TNFAIP8L2: variants seen among roughly 807,000 people sequenced by gnomAD.
The protein encoded by TNFAIP8L2 is TNF alpha induced protein 8 like 2.
TNFAIP8L2 carries 2 observed loss-of-function variants against 5.6 expected under a neutral mutation model. The ratio of observed to expected loss-of-function variants is 0.36; its 90% confidence interval spans 0.15 to 1.13. The LOEUF (loss-of-function observed/expected upper bound fraction) is 1.13. Ranked by LOEUF, TNFAIP8L2 falls within the 50% of genes most tolerant of loss-of-function variation. The probability of loss-of-function intolerance (pLI) is 0.40; values close to 1 mark genes in which losing one functional copy is unlikely to be tolerated. For synonymous variants in TNFAIP8L2, 91 were observed against 101.1 expected (o/e 0.90, Z 0.60); for missense variants, 216 against 241.8 (o/e 0.89, Z 0.71).
intron 1 of TNFAIP8L2, 133 bp from the exon 2 acceptor site, chr1:151,158,533 T>C (rs1572062728): frequency 4.7e-6 from 3 of 641,922 alleles, no homozygotes; most frequent in Non-Finnish European, 8.1e-6. Context: ...GAGCAAGGCA[T>C]AGAGGACTGA....
At chr1:151,157,129 G>T (rs955113492) in intron 1 of TNFAIP8L2, among the ~76,000 whole-genome samples, 1 of 152,168 alleles carries the variant, frequency 6.6e-6, no homozygotes, top group African/African-American at 2.4e-5. Flanking sequence ...GGCAATGGGG[G>T]CAATGGAGAG....
Position 151,159,048 on chromosome 1 carries a change from T to C in TNFAIP8L2, c.351T>C (p.Ala117=). 1 of 1,614,224 alleles carries C rather than the reference T, an allele frequency of 6.2e-7. No individual in the cohort carries two copies. Among genetic ancestry groups the C allele is most frequent in the Non-Finnish European group, 8.5e-7 (1 of 1,180,050 alleles). Residue 117 remains alanine, a synonymous_variant, in exon 2 of 2, where the codon GCT becomes GCC. Transcript: ENST00000368910. The part of the protein sequence containing the change: ...VDFTFEAAVL[A]GLLTECRDVL... ...TCACCTTCGAGGCTGCTGTTCTGGC[T>C]GGCCTGCTGACCGAGTGCCGGGATG...
Position 151,159,179 on chromosome 1 carries a change from G to A in TNFAIP8L2, c.482G>A (p.Gly161Glu). The change falls in exon 2 of 2, where the codon GGG becomes GAG. Residue 161 changes from glycine (G) to glutamate (E), a missense_variant. Gly to Glu is a moderately conservative substitution (Grantham distance 98). Coordinates refer to ENST00000368910, the MANE Select transcript of TNFAIP8L2 (RefSeq NM_024575.5). ...CCAGGTCTGCTCACGGCCCTCTATG[G>A]GCCTGACTTCACTCAGCACCTTGGC... The part of the protein sequence containing the change: ...SDPGLLTALY[G>E]PDFTQHLGKI... The A allele has an allele frequency of 4.3e-6, 7 of 1,614,172 alleles. No individual in the cohort carries two copies. The highest frequency in any genetic ancestry group is 5.9e-6 in the Non-Finnish European group (7 of 1,180,032).
At position 151,159,068 on chromosome 1, in the gene TNFAIP8L2, G is replaced by C; in HGVS notation, c.371G>C (p.Arg124Pro). 6.2e-7 allele frequency: 1 copy of C among 1,614,088 alleles called. No individual in the cohort carries two copies. The highest frequency in any genetic ancestry group is 8.5e-7 in the Non-Finnish European group (1 of 1,180,032). ...CTGGCTGGCCTGCTGACCGAGTGCC[G>C]GGATGTGCTGCTAGAGTTGGTGGAA... is the stretch of plus-strand genomic sequence containing the variant. Reference protein sequence around the residue: ...AVLAGLLTECRDVLLELVEHH... With the variant: ...AVLAGLLTECPDVLLELVEHH... Residue 124 changes from arginine (R) to proline (P), a missense_variant, in exon 2 of 2, where the codon CGG (arginine) becomes CCG (proline). Arg to Pro is a moderately radical substitution (Grantham distance 103). Coordinates refer to ENST00000368910, the MANE Select transcript of TNFAIP8L2 (RefSeq NM_024575.5).
In TNFAIP8L2 at chr1:151,159,256, C is replaced by G. The variant is rs191361625; in HGVS notation, c.*4C>G. The G allele has an allele frequency of 1.2e-6, 2 of 1,608,736 alleles. No individual in the cohort carries two copies. Among genetic ancestry groups the G allele is most frequent in the African/African-American group, 2.7e-5 (2 of 74,922 alleles). ...GCTAGACGAAGGGAAGCTCTGAGAG[C>G]CCTGAGCCTAGCACATTCCACCTTG... is the stretch of plus-strand genomic sequence containing the variant. On this transcript the variant is annotated 3_prime_UTR_variant, in exon 2 of 2. Transcript: ENST00000368910.
rs1367507585 is a variant in TNFAIP8L2 at position 151,158,765 on chromosome 1, G to A, written c.68G>A (p.Gly23Asp). 1 of 1,613,784 alleles carries A rather than the reference G, an allele frequency of 6.2e-7. No individual in the cohort carries two copies. The highest frequency in any genetic ancestry group is 1.1e-5 in the South Asian group (1 of 91,062). ...AAGAAGCTACTGAGTAAGATGGCGG[G>A]TCGCTCTGTGGCTCATCTCTTCATA... ...AEKKLLSKMAGRSVAHLFIDE... is the reference protein window; with the variant it reads ...AEKKLLSKMADRSVAHLFIDE... The change falls in exon 2 of 2, where the codon GGT becomes GAT. Residue 23 changes from glycine to aspartate, a missense_variant. Transcript: ENST00000368910.
At chr1:151,158,639 T>G in intron 1 of TNFAIP8L2, 27 bp from the exon 2 acceptor site, 4 of 1,408,618 alleles carry the variant, frequency 2.8e-6, no homozygotes, top group Non-Finnish European at 3.9e-6. Context: ...TCTCTCTTTC[T>G]AAGGAAGCCT....
At chr1:151,158,558 C>T (rs1262218765) in intron 1 of TNFAIP8L2, 108 bp from the exon 2 acceptor site, 5 of 852,782 alleles carry the variant, frequency 5.9e-6, no homozygotes, top group African/African-American at 3.4e-5. Flanking sequence ...CCCCAGGGGG[C>T]GGAGAGGATG....
In TNFAIP8L2 at chr1:151,158,897, C is replaced by T; in HGVS notation, c.200C>T (p.Ala67Val). 6.2e-7 allele frequency: 1 copy of T among 1,614,204 alleles called. No homozygotes were observed. The highest frequency in any genetic ancestry group is 2.2e-5 in the East Asian group (1 of 44,874). The part of the protein sequence containing the change: ...QRVIKDLIKV[A>V]IKVAVLHRNG... Reference sequence around the variant, plus strand: ...GTGATCAAGGACCTGATCAAAGTGGCCATCAAGGTGGCTGTGCTGCACCGC... The same window carrying T: ...GTGATCAAGGACCTGATCAAAGTGGTCATCAAGGTGGCTGTGCTGCACCGC... The change falls in exon 2 of 2, where the codon GCC becomes GTC. Residue 67 changes from alanine to valine, a missense_variant. Ala to Val is a moderately conservative substitution (Grantham distance 64). Transcript: ENST00000368910.
At chr1:151,158,310 A>C (rs936169944) in intron 1 of TNFAIP8L2, among the ~76,000 whole-genome samples, 1 of 150,880 alleles carries the variant, frequency 6.6e-6, no homozygotes, top group Non-Finnish European at 1.5e-5. Flanking sequence ...GTGACAAAGC[A>C]AGACTCCGTC....
At position 151,158,954 on chromosome 1, in the gene TNFAIP8L2, T is replaced by C. The variant is rs1558199047; in HGVS notation, c.257T>C (p.Leu86Pro). Residue 86 changes from leucine to proline, a missense_variant, in exon 2 of 2, where the codon CTG becomes CCG. Physicochemically the swap from Leu to Pro is moderately conservative, Grantham distance 98 (BLOSUM62 -3). Coordinates refer to ENST00000368910, the MANE Select transcript of TNFAIP8L2 (RefSeq NM_024575.5). ...TCCTTTGGCCCCAGTGAGCTGGCCC[T>C]GGCTACCCGCTTTCGCCAGAAGCTG... Reference protein sequence around the residue: ...NGSFGPSELALATRFRQKLRQ... With the variant: ...NGSFGPSELAPATRFRQKLRQ... 2 of 1,614,272 alleles carry C rather than the reference T, an allele frequency of 1.2e-6. No individual in the cohort carries two copies. Among genetic ancestry groups the C allele is most frequent in the Middle Eastern group, 1.6e-4 (1 of 6,062 alleles).
Position 151,158,720 on chromosome 1 carries a change from G to A in TNFAIP8L2, c.23G>A (p.Ser8Asn). ...CCCATGGAGTCCTTCAGCTCAAAGA[G>A]CCTGGCACTGCAAGCAGAGAAGAAG... Reference protein sequence around the residue: MESFSSKSLALQAEKKLL... With the variant: MESFSSKNLALQAEKKLL... The change falls in exon 2 of 2, where the codon AGC becomes AAC. Residue 8 changes from serine to asparagine, a missense_variant. Ser to Asn is a conservative substitution (Grantham distance 46). Transcript: ENST00000368910. 1 of 1,608,156 alleles carries A rather than the reference G, an allele frequency of 6.2e-7. No individual in the cohort carries two copies. Among genetic ancestry groups the A allele is most frequent in the Non-Finnish European group, 8.5e-7 (1 of 1,176,360 alleles).
In TNFAIP8L2 at chr1:151,158,322, C is replaced by CA. The variant is rs587732030; in HGVS notation, c.-32-327dup. Among the ~76,000 whole-genome samples, 614 of 83,716 alleles carry CA rather than the reference C, an allele frequency of 7.3e-3. 1 individual carries two copies. Among genetic ancestry groups the CA allele is most frequent in the Middle Eastern group, 0.048 (6 of 124 alleles). The allele number at this position is 83,716 out of a possible 152,430, so 54.9% of individuals were successfully genotyped here. The stretch of plus-strand genomic sequence containing the variant: ...TGGGTGACAAAGCAAGACTCCGTCT[C>CA]AAAAAAAAAAAAAAAAAGAATTATC... On this transcript the variant is annotated intron_variant, in intron 1 of 1. Coordinates refer to ENST00000368910, the MANE Select transcript of TNFAIP8L2 (RefSeq NM_024575.5).
At position 151,158,848 on chromosome 1, in the gene TNFAIP8L2, C is replaced by T; in HGVS notation, c.151C>T (p.His51Tyr). 6.2e-7 allele frequency: 1 copy of T among 1,614,188 alleles called. No individual in the cohort carries two copies. The highest frequency in any genetic ancestry group is 8.5e-7 in the Non-Finnish European group (1 of 1,180,038). ...ELYRVSKEYTHSRPQAQRVIK... is the reference protein window; with the variant it reads ...ELYRVSKEYTYSRPQAQRVIK... ...CTACCGTGTGTCCAAGGAGTACACGCACAGCCGGCCCCAGGCCCAGCGCGT... is the reference window on the plus strand; with the variant it reads ...CTACCGTGTGTCCAAGGAGTACACGTACAGCCGGCCCCAGGCCCAGCGCGT... The change falls in exon 2 of 2, where the codon CAC becomes TAC. Residue 51 changes from histidine (H) to tyrosine (Y), a missense_variant. His to Tyr is a moderately conservative substitution (Grantham distance 83). Transcript: ENST00000368910.
In TNFAIP8L2 at chr1:151,159,452, C is replaced by G. The variant is rs1683357413; in HGVS notation, c.*200C>G. The G allele has an allele frequency of 3.5e-6, 2 of 574,346 alleles. No homozygotes were observed. Among genetic ancestry groups the G allele is most frequent in the Non-Finnish European group, 6.3e-6 (2 of 315,884 alleles). The allele number at this position is 574,346 out of a possible 1,614,324, so 35.6% of individuals were successfully genotyped here. ...AAGGAGCAATGCTGAGGGGTGAGGC[C>G]TCTCTCCCACTCCAGCCCCAGGACA... On this transcript the variant is annotated 3_prime_UTR_variant, in exon 2 of 2. Transcript: ENST00000368910.
At position 151,159,526 on chromosome 1, in the gene TNFAIP8L2, T is replaced by C; in HGVS notation, c.*274T>C. On this transcript the variant is annotated 3_prime_UTR_variant, in exon 2 of 2. Coordinates refer to ENST00000368910, the MANE Select transcript of TNFAIP8L2 (RefSeq NM_024575.5). ...GTGAAGTGAAACTTGGATCTCTATT[T>C]CTCCCATAAGGGACTTCTGAAACAG... 2.6e-6 allele frequency: 1 copy of C among 388,770 alleles called. No homozygotes were observed. Among genetic ancestry groups the C allele is most frequent in the South Asian group, 2.9e-5 (1 of 34,144 alleles). 24.1% of individuals were successfully genotyped at this position (388,770 alleles called of 1,614,324 possible). A position where few individuals can be genotyped will look rare whatever the true frequency, so the allele number is the denominator to read the frequency against.
intron 1 of TNFAIP8L2, among the ~76,000 whole-genome samples, chr1:151,157,305 C>A (rs1313046200): frequency 1.3e-5 from 2 of 152,248 alleles, no homozygotes; most frequent in Admixed American, 1.3e-4. Flanking sequence ...ACAGTCTCCA[C>A]CTCCTCTGCC....
chr1:151,157,911 T>C (rs1683278421), intron 1 of TNFAIP8L2, among the ~76,000 whole-genome samples: 1 of 152,226 alleles, frequency 6.6e-6, no homozygotes, highest in Non-Finnish European at 1.5e-5. Flanking sequence ...ATGAGTTGCG[T>C]TTGATCTTGG....
chr1:151,158,966 T>G lies in TNFAIP8L2; in HGVS notation c.269T>G (p.Phe90Cys). 6.2e-7 allele frequency: 1 copy of G among 1,614,274 alleles called. No homozygotes were observed. The highest frequency in any genetic ancestry group is 8.5e-7 in the Non-Finnish European group (1 of 1,180,052). ...GPSELALATR[F>C]RQKLRQGAMT... ...AGTGAGCTGGCCCTGGCTACCCGCT[T>G]TCGCCAGAAGCTGCGGCAGGGTGCC... is the stretch of plus-strand genomic sequence containing the variant. Residue 90 changes from phenylalanine to cysteine, a missense_variant, in exon 2 of 2, where the codon TTT becomes TGT. Phe to Cys is a radical substitution (Grantham distance 205, BLOSUM62 -2). Coordinates refer to ENST00000368910, the MANE Select transcript of TNFAIP8L2 (RefSeq NM_024575.5).
Sources: allele counts gnomAD v4.1 joint callset (sites outside exome capture counted in the v4.1 genomes callset), GRCh38; gene constraint gnomAD v4.1.1; transcripts MANE v1.5; gene names NCBI Gene and HGNC (gene_info 2026-07-23, HGNC 2026-07-21).